The following ANXA8 variants were observed in gnomAD, a reference collection of about 807,000 sequenced individuals.
ANXA8 encodes the protein annexin A8.
Under a neutral mutation model 26.8 loss-of-function variants are expected in ANXA8, and 9 were observed. The ratio of observed to expected loss-of-function variants is 0.34; its 90% CI spans 0.20 to 0.59. ANXA8 has a LOEUF of 0.59. Among genes scored for constraint, ANXA8 ranks in the 20% least tolerant of loss-of-function variants. The probability of loss-of-function intolerance (pLI) is 0.84; values close to 1 mark genes in which losing one functional copy is unlikely to be tolerated. For missense variants in ANXA8, 83 were observed against 238.5 expected (o/e 0.35, Z 4.29); for synonymous variants, 39 against 94.8 (o/e 0.41, Z 3.42).
the ANXA8 span, among the ~76,000 whole-genome samples, chr10:47,937,477 TA>T: frequency 3.4e-5 from 5 of 148,546 alleles, 1 homozygote; most frequent in African/African-American, 1.2e-4. Flanking sequence ...TAAAATCTTT[TA>T]TTTTAGGTTT....
At chr10:47,597,665 G>A in the ANXA8 span, among the ~76,000 whole-genome samples, 43 of 114,322 alleles carry the variant, frequency 3.8e-4, no homozygotes, top group Middle Eastern at 4.5e-3. Flanking sequence ...AAGAGCCACA[G>A]AAAAAAAAAA....
the ANXA8 span, among the ~76,000 whole-genome samples, chr10:47,763,967 G>GCT: frequency 6.6e-6 from 1 of 152,054 alleles, no homozygotes; most frequent in Non-Finnish European, 1.5e-5. Context: ...CTGGGCTTTG[G>GCT]CTCACCTAAG....
chr10:47,649,597 T>TG, the ANXA8 span, among the ~76,000 whole-genome samples: 6 of 151,456 alleles, frequency 4.0e-5, no homozygotes, highest in Admixed American at 3.9e-4. Context: ...TTAGAAGAGA[T>TG]GGGGTTTCAC....
chr10:47,585,181 T>A, the ANXA8 span, among the ~76,000 whole-genome samples: 1 of 116,818 alleles, frequency 8.6e-6, no homozygotes, highest in Non-Finnish European at 1.6e-5. Flanking sequence ...GGACAACGGC[T>A]CAAACCTGGG....
the ANXA8 span, among the ~76,000 whole-genome samples, chr10:47,573,261 CG>C: frequency 6.7e-6 from 1 of 149,514 alleles, no homozygotes; most frequent in African/African-American, 2.5e-5. Flanking sequence ...AGATTACAGG[CG>C]TGAGCCACCG....
At chr10:47,536,589 C>T in the ANXA8 span, among the ~76,000 whole-genome samples, 3 of 130,662 alleles carry the variant, frequency 2.3e-5, 1 homozygote, top group Non-Finnish European at 4.6e-5. Flanking sequence ...AAACACTACC[C>T]CCACCACCAC....
chr10:47,558,529 ATGTGTGTGTG>A, the ANXA8 span, among the ~76,000 whole-genome samples: 5,416 of 141,572 alleles, frequency 0.038, 373 homozygotes, highest in African/African-American at 0.13. Flanking sequence ...GGGTTTTAAG[ATGTGTGTGTG>A]TGTGTGTGTG....
the ANXA8 span, among the ~76,000 whole-genome samples, chr10:47,942,147 T>A: frequency 6.8e-5 from 10 of 147,184 alleles, 1 homozygote; most frequent in South Asian, 4.3e-4. Context: ...GGGATTGTAG[T>A]AACATTTTTG....
the ANXA8 span, chr10:47,567,960 G>A: frequency 8.1e-5 from 56 of 688,666 alleles, no homozygotes; most frequent in Middle Eastern, 4.1e-4. Flanking sequence ...CAGATGTGCC[G>A]TTTGGGGGTG....
At chr10:47,579,598 T>G in the ANXA8 span, among the ~76,000 whole-genome samples, 3 of 60,920 alleles carry the variant, frequency 4.9e-5, no homozygotes, top group Non-Finnish European at 1.2e-4. Flanking sequence ...ATGTAAATAA[T>G]CTCATCAATG....
At chr10:47,496,993 G>A in the ANXA8 span, among the ~76,000 whole-genome samples, 5 of 148,674 alleles carry the variant, frequency 3.4e-5, 1 homozygote, top group Admixed American at 1.3e-4. Context: ...AATACTTGGA[G>A]ACTATGAAAA....
chr10:47,648,140 G>C, the ANXA8 span, among the ~76,000 whole-genome samples: 1 of 151,618 alleles, frequency 6.6e-6, no homozygotes, highest in African/African-American at 2.4e-5. Flanking sequence ...AGGGCAAGGG[G>C]ATGTTCTTGG....
chr10:47,968,815 G>T, the ANXA8 span, among the ~76,000 whole-genome samples: 2 of 148,082 alleles, frequency 1.4e-5, no homozygotes, highest in Admixed American at 1.4e-4. Flanking sequence ...CATTAAAAGG[G>T]ATTACCCAAG....
chr10:47,687,738 C>G, the ANXA8 span, among the ~76,000 whole-genome samples: 1 of 151,784 alleles, frequency 6.6e-6, no homozygotes, highest in Non-Finnish European at 1.5e-5. Context: ...GTTATTCTTT[C>G]TATGAGGATT....
the ANXA8 span, among the ~76,000 whole-genome samples, chr10:47,695,419 G>A: frequency 1.3e-5 from 2 of 151,506 alleles, no homozygotes; most frequent in East Asian, 3.9e-4. Context: ...GAAGGGAGAG[G>A]CAAGATGACT....
chr10:47,950,796 C>T, the ANXA8 span, among the ~76,000 whole-genome samples: 3 of 150,986 alleles, frequency 2.0e-5, no homozygotes, highest in Admixed American at 2.0e-4. Flanking sequence ...AGAATTAGAA[C>T]ACAGACTATC....
chr10:47,613,780 A>G, the ANXA8 span, among the ~76,000 whole-genome samples: 1 of 80,708 alleles, frequency 1.2e-5, no homozygotes, highest in Non-Finnish European at 3.1e-5. Context: ...AGATTCTCAT[A>G]AGGATCAAAC....
the ANXA8 span, among the ~76,000 whole-genome samples, chr10:47,954,756 C>T: frequency 6.6e-6 from 1 of 150,438 alleles, no homozygotes; most frequent in Admixed American, 6.6e-5. Context: ...GGAATAAAAA[C>T]ACCTGTGTTC....
chr10:47,762,216 C>G, the ANXA8 span, among the ~76,000 whole-genome samples: 8 of 151,938 alleles, frequency 5.3e-5, no homozygotes, highest in African/African-American at 1.7e-4. Flanking sequence ...ACGCGGTGGA[C>G]GAGGTGGGGA....
Sources: gnomAD v4.1 joint callset for allele counts (sites outside exome capture counted in the v4.1 genomes callset) on GRCh38, gnomAD v4.1.1 for gene constraint, MANE v1.5 for transcripts, NCBI Gene and HGNC (gene_info 2026-07-23, HGNC 2026-07-21) for gene names.